DIAPH3: variants seen among roughly 807,000 people sequenced by gnomAD.
DIAPH3 encodes diaphanous related formin 3.
A neutral mutation model predicts 144.3 loss-of-function variants in DIAPH3; 117 were observed. The observed-to-expected ratio is 0.81, with a 90% CI of 0.70 to 0.95. DIAPH3 has a LOEUF of 0.95. DIAPH3 is among the 40% of genes least tolerant of loss of function. The pLI is 0.00. For missense variants in DIAPH3, 1,421 were observed against 1,412.7 expected, an observed-to-expected ratio of 1.01 and a Z score of -0.09; for synonymous variants, 519 against 488.9, an observed-to-expected ratio of 1.06 and a Z score of -0.81.
intron 7 of DIAPH3, among the ~76,000 whole-genome samples, chr13:60,014,211 A>G (rs1450452739): frequency 2.6e-5 from 4 of 152,118 alleles, no homozygotes; most frequent in Admixed American, 6.5e-5. Context: ...TCCATCACCA[A>G]TGAAATTTCC....
intron 17 of DIAPH3, among the ~76,000 whole-genome samples, chr13:59,944,287 T>G (rs905980571): frequency 6.6e-6 from 1 of 152,104 alleles, no homozygotes. Flanking sequence ...CAGGAAAATC[T>G]TCACAAAGTA....
rs149420150 is a variant in DIAPH3, at chr13:59,806,111, T to C, written c.3163+4677A>G. 5.2e-3 allele frequency among the ~76,000 whole-genome samples: 789 copies of C among 152,140 alleles called. 9 individuals carry two copies. The highest frequency in any genetic ancestry group is 5.3e-3 in the Non-Finnish European group (359 of 67,878). ...CCTGTGGGTTTATGGCAGAGTTATGTGAAGATTTCTCTCTTCCTCCATCAT... is the reference window on the plus strand; with the variant it reads ...CCTGTGGGTTTATGGCAGAGTTATGCGAAGATTTCTCTCTTCCTCCATCAT... On this transcript the variant is annotated intron_variant, in intron 25 of 27. Transcript: ENST00000400324.
chr13:59,938,055 A>G (rs1199166259), intron 17 of DIAPH3, among the ~76,000 whole-genome samples: 1 of 152,018 alleles, frequency 6.6e-6, no homozygotes, highest in African/African-American at 2.4e-5. Flanking sequence ...CCAGTTTCTC[A>G]GTTATTAAAT....
At chr13:60,033,222 C>T (rs1416128667) in intron 5 of DIAPH3, among the ~76,000 whole-genome samples, 1 of 152,202 alleles carries the variant, frequency 6.6e-6, no homozygotes, top group Non-Finnish European at 1.5e-5. Context: ...CAAACTTTCC[C>T]TTATTTCCCA....
At chr13:59,974,480 CA>C (rs2050561677) in intron 14 of DIAPH3, 24 bp from the exon 15 acceptor site, 1 of 1,558,642 alleles carries the variant, frequency 6.4e-7, no homozygotes, top group African/African-American at 1.4e-5. Context: ...AAAATAATAA[CA>C]AAAACAGGAA....
intron 25 of DIAPH3, among the ~76,000 whole-genome samples, chr13:59,786,794 G>A (rs1489736236): frequency 2.0e-5 from 3 of 152,300 alleles, no homozygotes; most frequent in Middle Eastern, 3.4e-3. Flanking sequence ...TGGCTCTGTG[G>A]TCAAATAAGT....
chr13:59,866,179 CCATGAGA>C (rs2043911897), intron 21 of DIAPH3, among the ~76,000 whole-genome samples: 1 of 151,806 alleles, frequency 6.6e-6, no homozygotes, highest in Non-Finnish European at 1.5e-5. Flanking sequence ...TTGGTACTTA[CCATGAGA>C]CAGACATTAG....
chr13:59,696,804 T>C (rs1185614552), intron 27 of DIAPH3, among the ~76,000 whole-genome samples: 2 of 152,162 alleles, frequency 1.3e-5, no homozygotes, highest in African/African-American at 2.4e-5. Flanking sequence ...ATGTAAATCA[T>C]TAATAAACCA....
At chr13:59,974,696 C>T (rs2050572481) in intron 14 of DIAPH3, among the ~76,000 whole-genome samples, 1 of 151,958 alleles carries the variant, frequency 6.6e-6, no homozygotes, top group African/African-American at 2.4e-5. Flanking sequence ...AGTCTGTGAC[C>T]TTCTCTCTGC....
At chr13:59,799,890 A>G (rs1263849691) in intron 25 of DIAPH3, among the ~76,000 whole-genome samples, 1 of 152,246 alleles carries the variant, frequency 6.6e-6, no homozygotes, top group Non-Finnish European at 1.5e-5. Flanking sequence ...CAAAATATTA[A>G]CTGAAGTATC....
chr13:59,786,571 T>C (rs949858347), intron 25 of DIAPH3, among the ~76,000 whole-genome samples: 1 of 152,190 alleles, frequency 6.6e-6, no homozygotes, highest in Non-Finnish European at 1.5e-5. Context: ...AAAGTTACAA[T>C]CATTTTTGGA....
chr13:59,900,332 CA>C (rs1404409131), intron 20 of DIAPH3, among the ~76,000 whole-genome samples: 1 of 152,062 alleles, frequency 6.6e-6, no homozygotes, highest in African/African-American at 2.4e-5. Flanking sequence ...GGTCTGGAGG[CA>C]AAAAGTTTTT....
At chr13:59,781,007 G>A (rs1295712968) in intron 25 of DIAPH3, among the ~76,000 whole-genome samples, 2 of 152,166 alleles carry the variant, frequency 1.3e-5, no homozygotes, top group Non-Finnish European at 2.9e-5. Flanking sequence ...TGGCATCTTG[G>A]AAACCACCTA....
chr13:60,100,776 T>C (rs796554177), intron 3 of DIAPH3, among the ~76,000 whole-genome samples: 11 of 151,452 alleles, frequency 7.3e-5, no homozygotes, highest in African/African-American at 2.7e-4. Flanking sequence ...AACATCATTA[T>C]TAAAAAAAAA....
intron 7 of DIAPH3, among the ~76,000 whole-genome samples, chr13:60,011,371 G>C (rs544044482): frequency 2.0e-5 from 3 of 152,056 alleles, no homozygotes; most frequent in South Asian, 4.2e-4. Context: ...GTTGGTAAGA[G>C]ATATATTATC....
chr13:59,983,684 G>T, intron 13 of DIAPH3, 85 bp downstream of exon 13: 1 of 909,546 alleles, frequency 1.1e-6, no homozygotes, highest in Non-Finnish European at 1.8e-6. Flanking sequence ...GGAGTCCAGA[G>T]ACACAACCCG....
At chr13:59,871,898 C>T (rs1305699363) in intron 21 of DIAPH3, among the ~76,000 whole-genome samples, 1 of 152,046 alleles carries the variant, frequency 6.6e-6, no homozygotes, top group Admixed American at 6.6e-5. Context: ...AATATTCTTC[C>T]GTTATCTTTT....
chr13:59,667,768 T>A (rs1223329269), intron 27 of DIAPH3, among the ~76,000 whole-genome samples: 1 of 152,136 alleles, frequency 6.6e-6, no homozygotes, highest in Non-Finnish European at 1.5e-5. Flanking sequence ...GGCTTGAAAA[T>A]GGCTTCAACA....
intron 17 of DIAPH3, among the ~76,000 whole-genome samples, chr13:59,952,781 A>T (rs761503835): frequency 6.6e-6 from 1 of 152,154 alleles, no homozygotes; most frequent in Non-Finnish European, 1.5e-5. Context: ...CTTAAAATGA[A>T]AAAAGACAGT....
Sources: allele counts gnomAD v4.1 joint callset (sites outside exome capture counted in the v4.1 genomes callset), GRCh38; gene constraint gnomAD v4.1.1; transcripts MANE v1.5; gene names NCBI Gene and HGNC (gene_info 2026-07-23, HGNC 2026-07-21).